OCA2: variants seen among roughly 807,000 people sequenced by gnomAD.
The protein encoded by OCA2 is P protein.
A neutral mutation model predicts 100.2 loss-of-function variants in OCA2; 77 were observed. The observed-to-expected ratio is 0.77, with a 90% CI of 0.64 to 0.93. OCA2 has a LOEUF of 0.93. Ranked by LOEUF, OCA2 falls within the 40% of genes least tolerant of loss-of-function variation. OCA2 has a pLI of 0.00. For synonymous variants in OCA2, 432 were observed against 439.2 expected, an observed-to-expected ratio of 0.98 and a Z score of 0.21; for missense variants, 1,062 against 1,089.1, an observed-to-expected ratio of 0.98 and a Z score of 0.35.
intron 1 of OCA2, among the ~76,000 whole-genome samples, chr15:28,091,331 A>G (rs1461553170): frequency 6.6e-6 from 1 of 152,206 alleles, no homozygotes; most frequent in Non-Finnish European, 1.5e-5. Flanking sequence ...TGAAGACAAT[A>G]TTACCCTGAT....
In OCA2 at chr15:27,955,185, CT is replaced by C; in HGVS notation, c.1814del (p.Glu605GlyfsTer23). 2 of 1,612,540 alleles carry C rather than the reference CT, an allele frequency of 1.2e-6. No individual in the cohort carries two copies. Among genetic ancestry groups the C allele is most frequent in the Non-Finnish European group, 1.7e-6 (2 of 1,178,542 alleles). ...TTTTTTGGAGTTCTTGGATATTGGT[CT>C]CCCAATTTTTGTCCTCCTGTGAGAT... ...RQISQEDKNW[E>X]TNIQELQKKH... On this transcript the variant is annotated frameshift_variant, in exon 17 of 24. Transcript: ENST00000354638. LOFTEE classifies it high-confidence loss of function.
intron 19 of OCA2, among the ~76,000 whole-genome samples, chr15:27,880,934 A>T (rs946765530): frequency 3.9e-5 from 6 of 152,128 alleles, no homozygotes; most frequent in Admixed American, 3.9e-4. Context: ...GTCTTATGTC[A>T]GTTTTCAATG....
intron 19 of OCA2, among the ~76,000 whole-genome samples, chr15:27,872,381 T>C (rs1380400507): frequency 6.6e-6 from 1 of 152,238 alleles, no homozygotes; most frequent in Non-Finnish European, 1.5e-5. Flanking sequence ...TCTATTTAAC[T>C]GGCACATGTA....
chr15:27,989,692 A>G (rs2041485308), intron 10 of OCA2, 26 bp from the exon 11 acceptor site: 4 of 1,609,636 alleles, frequency 2.5e-6, no homozygotes, highest in African/African-American at 2.7e-5. Context: ...AAATTTGCCA[A>G]TTAATCCGTG....
At chr15:27,966,574 G>A in intron 15 of OCA2, 116 bp downstream of exon 15, 2 of 1,123,612 alleles carry the variant, frequency 1.8e-6, no homozygotes, top group Non-Finnish European at 2.7e-6. Flanking sequence ...AGAGTCACTG[G>A]TATTGAGCAT....
At chr15:27,730,790 A>T in the OCA2 span, among the ~76,000 whole-genome samples, 21 of 121,952 alleles carry the variant, frequency 1.7e-4, no homozygotes, top group Non-Finnish European at 2.8e-4. Flanking sequence ...TTTTTTTTTC[A>T]AATTATATCA....
chr15:27,902,609 CA>C (rs1163339950), intron 19 of OCA2, among the ~76,000 whole-genome samples: 1 of 152,148 alleles, frequency 6.6e-6, no homozygotes, highest in Admixed American at 6.5e-5. Flanking sequence ...CCAGGACACG[CA>C]GGGGCCTCTC....
chr15:27,784,851 C>T (rs2032725527), intron 23 of OCA2, among the ~76,000 whole-genome samples: 1 of 151,052 alleles, frequency 6.6e-6, no homozygotes. Context: ...ATCAAAACAT[C>T]CAGCATGTGT....
the OCA2 span, among the ~76,000 whole-genome samples, chr15:27,737,577 A>T: frequency 2.0e-5 from 3 of 152,190 alleles, no homozygotes; most frequent in African/African-American, 4.8e-5. Flanking sequence ...TACTCACACC[A>T]TACGTAAAAA....
At chr15:28,074,898 T>G (rs2141835309) in intron 2 of OCA2, among the ~76,000 whole-genome samples, 1 of 152,294 alleles carries the variant, frequency 6.6e-6, no homozygotes, top group East Asian at 1.9e-4. Flanking sequence ...ACAATGTATT[T>G]TTGACAAAGA....
At chr15:27,793,578 C>T (rs2033184402) in intron 23 of OCA2, among the ~76,000 whole-genome samples, 1 of 152,182 alleles carries the variant, frequency 6.6e-6, no homozygotes, top group South Asian at 2.1e-4. Flanking sequence ...TGGGTGGAAT[C>T]CTAGGATTTG....
chr15:27,760,627 A>G (rs765312572), intron 23 of OCA2, among the ~76,000 whole-genome samples: 75 of 152,046 alleles, frequency 4.9e-4, no homozygotes, highest in Non-Finnish European at 1.0e-3. Context: ...AACAGGAGTC[A>G]TCACAAAAAA....
At chr15:27,727,512 G>T in the OCA2 span, among the ~76,000 whole-genome samples, 1 of 152,196 alleles carries the variant, frequency 6.6e-6, no homozygotes, top group Admixed American at 6.5e-5. Flanking sequence ...AAAGCACGGA[G>T]ATTTTAGGCT....
At chr15:27,824,436 A>G (rs2034622143) in intron 23 of OCA2, among the ~76,000 whole-genome samples, 1 of 151,854 alleles carries the variant, frequency 6.6e-6, no homozygotes, top group East Asian at 1.9e-4. Context: ...GCACAAAATA[A>G]GAGATAATGA....
At position 28,022,666 on chromosome 15, in the gene OCA2, A is replaced by G. The variant is rs568747896; in HGVS notation, c.574-93T>C. On this transcript the variant is annotated intron_variant, in intron 5 of 23. Transcript: ENST00000354638. ...ATAACAGTCGAAAACAGATGTGATG[A>G]TGGGGCTACTGTGTGCATCCAGTAC... is the stretch of plus-strand genomic sequence containing the variant. 5 of 896,300 alleles carry G rather than the reference A, an allele frequency of 5.6e-6. No homozygotes were observed. In the East Asian group the frequency reaches 1.2e-4, roughly 22 times the overall value. The allele number at this position is 896,300 out of a possible 1,614,324, so 55.5% of individuals were successfully genotyped here.
intron 14 of OCA2, among the ~76,000 whole-genome samples, chr15:27,979,482 C>G (rs575728539): frequency 5.9e-5 from 9 of 152,096 alleles, no homozygotes; most frequent in African/African-American, 1.9e-4. Flanking sequence ...ATATTTGTTC[C>G]ACCATTTCTT....
chr15:27,896,910 G>A (rs2037717509), intron 19 of OCA2, among the ~76,000 whole-genome samples: 1 of 152,108 alleles, frequency 6.6e-6, no homozygotes, highest in South Asian at 2.1e-4. Context: ...TTCTTGGCAG[G>A]CCAGGCGCAG....
At chr15:27,961,596 A>C (rs1381784420) in intron 15 of OCA2, among the ~76,000 whole-genome samples, 1 of 152,242 alleles carries the variant, frequency 6.6e-6, no homozygotes, top group Admixed American at 6.5e-5. Context: ...TGGCACATAT[A>C]CACCATGGAA....
intron 19 of OCA2, among the ~76,000 whole-genome samples, chr15:27,913,975 G>C (rs111358290): frequency 0.048 from 7,202 of 149,656 alleles, 737 homozygotes; most frequent in African/African-American, 0.17. Context: ...GATGAACATA[G>C]ATGCAAAAAT....
Sources: allele counts gnomAD v4.1 joint callset (sites outside exome capture counted in the v4.1 genomes callset), GRCh38; gene constraint gnomAD v4.1.1; transcripts MANE v1.5; gene names NCBI Gene and HGNC (gene_info 2026-07-23, HGNC 2026-07-21).